SOX6: variants seen among roughly 807,000 people sequenced by gnomAD.
The protein encoded by SOX6 is SRY-box transcription factor 6.
A neutral mutation model predicts 97.8 loss-of-function variants in SOX6; 11 were observed. That is an observed-to-expected ratio of 0.11 (90% CI 0.07 to 0.19). The LOEUF (loss-of-function observed/expected upper bound fraction) is 0.19. Ranked by LOEUF, SOX6 falls within the 10% of genes least tolerant of loss-of-function variation. The probability of loss-of-function intolerance (pLI) is 1.00; values close to 1 mark genes in which losing one functional copy is unlikely to be tolerated. For missense variants in SOX6, 810 were observed against 1,039.5 expected, an observed-to-expected ratio of 0.78 and a Z score of 3.04; for synonymous variants, 360 against 371.4, an observed-to-expected ratio of 0.97 and a Z score of 0.35.
At chr11:16,074,286 A>G (rs1254136532) in intron 9 of SOX6, among the ~76,000 whole-genome samples, 1 of 152,180 alleles carries the variant, frequency 6.6e-6, no homozygotes, top group Non-Finnish European at 1.5e-5. Context: ...CAAAATAGAG[A>G]AAACTCTCAG....
intron 4 of SOX6, among the ~76,000 whole-genome samples, chr11:16,533,801 A>G (rs557186551): frequency 6.6e-6 from 1 of 152,204 alleles, no homozygotes; most frequent in African/African-American, 2.4e-5. Flanking sequence ...AAATAAACAT[A>G]TATTTCCTTC....
intron 3 of SOX6, among the ~76,000 whole-genome samples, chr11:16,271,177 T>C (rs1361885414): frequency 6.6e-6 from 1 of 151,422 alleles, no homozygotes. Flanking sequence ...ATAAATATAA[T>C]ATATTCTATT....
intron 3 of SOX6, among the ~76,000 whole-genome samples, chr11:16,661,852 T>C (rs1012121236): frequency 6.6e-6 from 1 of 152,142 alleles, no homozygotes; most frequent in Admixed American, 6.5e-5. Context: ...CTAGTCCTAA[T>C]TGAGCATTTT....
chr11:16,530,608 A>C (rs2133169121), intron 4 of SOX6, among the ~76,000 whole-genome samples: 1 of 152,182 alleles, frequency 6.6e-6, no homozygotes, highest in African/African-American at 2.4e-5. Context: ...AAGGATATCA[A>C]ATTCTCCTTT....
At chr11:16,133,353 G>A (rs1374531066) in intron 6 of SOX6, among the ~76,000 whole-genome samples, 1 of 152,178 alleles carries the variant, frequency 6.6e-6, no homozygotes, top group Non-Finnish European at 1.5e-5. Context: ...ACATTTTGGG[G>A]TGGTAGGTGT....
intron 2 of SOX6, among the ~76,000 whole-genome samples, chr11:16,725,694 T>C (rs558473896): frequency 2.3e-3 from 346 of 152,238 alleles, no homozygotes; most frequent in African/African-American, 8.2e-3. Flanking sequence ...AGTTTCTTTT[T>C]TTCTCTCTCT....
chr11:16,506,861 C>T (rs979350780), intron 4 of SOX6, among the ~76,000 whole-genome samples: 1 of 151,988 alleles, frequency 6.6e-6, no homozygotes, highest in African/African-American at 2.4e-5. Context: ...GTCAGGAGTT[C>T]GAGACCAGCC....
intron 3 of SOX6, among the ~76,000 whole-genome samples, chr11:16,307,251 C>T (rs539916630): frequency 7.2e-4 from 109 of 152,278 alleles, no homozygotes; most frequent in African/African-American, 2.5e-3. Context: ...CCTAAACTCT[C>T]TGGATATTAG....
intron 1 of SOX6, among the ~76,000 whole-genome samples, chr11:16,450,447 C>A (rs545648854): frequency 6.6e-6 from 1 of 152,300 alleles, no homozygotes; most frequent in African/African-American, 2.4e-5. Context: ...ATATAGACAG[C>A]TTCTAAATCT....
Position 16,605,971 on chromosome 11 carries a change from G to A in SOX6, n.609+6110C>T, listed in dbSNP as rs991458961. On this transcript the variant is annotated intron_variant and non_coding_transcript_variant, in intron 4 of 5. Transcript: ENST00000524520. This position sits in a 1 kb window ranked among gnomAD's most constrained non-coding sequence, Gnocchi z 5.3. ...TCGCAAGGGAAGCCCGTTTTGTCCA[G>A]GTTGGATATTGTCTACGTATGGATC... 1 of 152,226 alleles carries A rather than the reference G, an allele frequency of 6.6e-6. No homozygotes were observed. Among genetic ancestry groups the A allele is most frequent in the Non-Finnish European group, 1.5e-5 (1 of 68,078 alleles). The allele number at this position is 152,226 out of a possible 1,614,324, so 9.4% of individuals were successfully genotyped here. A position where few individuals can be genotyped will look rare whatever the true frequency, so the allele number is the denominator to read the frequency against.
intron 1 of SOX6, among the ~76,000 whole-genome samples, chr11:16,414,378 T>C (rs1858883533): frequency 6.6e-6 from 1 of 152,118 alleles, no homozygotes; most frequent in Non-Finnish European, 1.5e-5. Flanking sequence ...TGGCAGCACA[T>C]ATAAGAAAAG....
At chr11:16,280,570 C>T (rs1389808410) in intron 3 of SOX6, among the ~76,000 whole-genome samples, 1 of 152,000 alleles carries the variant, frequency 6.6e-6, no homozygotes, top group Non-Finnish European at 1.5e-5. Context: ...TATTGTAATC[C>T]TCTACAAAGA....
At chr11:16,501,469 TTAAAC>T (rs1860708084) in intron 4 of SOX6, among the ~76,000 whole-genome samples, 2 of 152,222 alleles carry the variant, frequency 1.3e-5, no homozygotes, top group East Asian at 3.9e-4. Context: ...TGGGATCTAA[TTAAAC>T]TAAAGAGCTT....
chr11:16,404,861 A>T (rs1484399303), intron 1 of SOX6, among the ~76,000 whole-genome samples: 1 of 152,000 alleles, frequency 6.6e-6, no homozygotes, highest in Non-Finnish European at 1.5e-5. Flanking sequence ...TGGCATCTAG[A>T]ATTATGCAAA....
chr11:16,572,372 A>G (rs1254799816), intron 4 of SOX6, among the ~76,000 whole-genome samples: 2 of 152,218 alleles, frequency 1.3e-5, no homozygotes, highest in Non-Finnish European at 2.9e-5. Flanking sequence ...AGTTACAGCA[A>G]CTGATTGCAC....
chr11:16,556,010 T>C (rs1361643209), intron 4 of SOX6, among the ~76,000 whole-genome samples: 4 of 151,642 alleles, frequency 2.6e-5, no homozygotes, highest in Admixed American at 6.6e-5. Context: ...CAAAAGTCTG[T>C]TTAATTAAAA....
intron 7 of SOX6, among the ~76,000 whole-genome samples, chr11:16,108,178 G>A (rs1849142422): frequency 6.6e-6 from 1 of 152,144 alleles, no homozygotes; most frequent in Non-Finnish European, 1.5e-5. Context: ...ATTTGGCACA[G>A]TATCAATCAG....
At chr11:16,338,766 T>C (rs547708902) in intron 2 of SOX6, among the ~76,000 whole-genome samples, 1 of 152,148 alleles carries the variant, frequency 6.6e-6, no homozygotes, top group African/African-American at 2.4e-5. Flanking sequence ...TTTAACTTAT[T>C]TGTACCATTA....
At chr11:16,007,687 A>T (rs1052438270) in intron 13 of SOX6, among the ~76,000 whole-genome samples, 1 of 152,108 alleles carries the variant, frequency 6.6e-6, no homozygotes, top group Non-Finnish European at 1.5e-5. Flanking sequence ...TTGCAGGTAG[A>T]AAGTCAAGTG....
Sources: allele counts gnomAD v4.1 joint callset (sites outside exome capture counted in the v4.1 genomes callset), GRCh38; gene constraint gnomAD v4.1.1; non-coding constraint Gnocchi (gnomAD v3.1); transcripts MANE v1.5; gene names NCBI Gene and HGNC (gene_info 2026-07-23, HGNC 2026-07-21).